Variants in NMU observed in about 807,000 individuals in gnomAD.
NMU encodes the protein neuromedin U.
NMU carries 29 observed loss-of-function variants against 35.4 expected under a neutral mutation model. That is an observed-to-expected ratio of 0.82 (90% CI 0.61 to 1.12). The LOEUF (loss-of-function observed/expected upper bound fraction) is 1.12, where lower values mean the gene tolerates loss of function less well. Ranked by LOEUF, NMU falls within the 50% of genes most tolerant of loss-of-function variation. The pLI is 0.00. For missense variants in NMU, 199 were observed against 206.2 expected (o/e 0.97, Z 0.21); for synonymous variants, 78 against 81.3 (o/e 0.96, Z 0.22).
intron 8 of NMU, among the ~76,000 whole-genome samples, chr4:55,599,688 T>G (rs950941247): frequency 6.6e-6 from 1 of 152,170 alleles, no homozygotes; most frequent in African/African-American, 2.4e-5. Flanking sequence ...TAGCTAAATA[T>G]TTCATCAACC....
intron 1 of NMU, among the ~76,000 whole-genome samples, chr4:55,633,204 A>C (rs1715712263): frequency 6.6e-6 from 1 of 151,928 alleles, no homozygotes; most frequent in African/African-American, 2.4e-5. Context: ...GGGCACCTGT[A>C]GTCCCAGCTA....
In NMU at chr4:55,607,335, T is replaced by C. The variant is rs1385892229; in HGVS notation, c.323A>G (p.Tyr108Cys). 1 of 1,607,080 alleles carries C rather than the reference T, an allele frequency of 6.2e-7. No homozygotes were observed. Among genetic ancestry groups the C allele is most frequent in the African/African-American group, 1.3e-5 (1 of 74,756 alleles). ...KDNTKRFLFH[Y>C]SKTQKLGKSN... ...CTTGCCCAACTTCTGTGTCTTCGAATAATGAAATAAGAACTGTTTAAAAAA... is the reference window on the plus strand; with the variant it reads ...CTTGCCCAACTTCTGTGTCTTCGAACAATGAAATAAGAACTGTTTAAAAAA... The change falls in exon 6 of 10, where the codon TAT (tyrosine) becomes TGT (cysteine). Residue 108 changes from tyrosine (Y) to cysteine (C), a missense_variant. By Grantham distance (194) the Tyr-to-Cys change is radical. Coordinates refer to ENST00000264218, the MANE Select transcript of NMU (RefSeq NM_006681.4).
At chr4:55,608,174 CAAAAAAAAA>C (rs3035745) in intron 4 of NMU, among the ~76,000 whole-genome samples, 1 of 110,410 alleles carries the variant, frequency 9.1e-6, no homozygotes, top group African/African-American at 3.5e-5. Context: ...GACTCCATCT[CAAAAAAAAA>C]AAAAAAAAAA....
chr4:55,633,294 C>T (rs1388066967), intron 1 of NMU, among the ~76,000 whole-genome samples: 1 of 149,318 alleles, frequency 6.7e-6, no homozygotes, highest in African/African-American at 2.5e-5. Flanking sequence ...CACTGCACTC[C>T]GGCCTGGGCA....
chr4:55,596,195 T>C (rs1022973065), intron 9 of NMU, among the ~76,000 whole-genome samples: 2 of 152,060 alleles, frequency 1.3e-5, no homozygotes, highest in African/African-American at 4.8e-5. Flanking sequence ...ATATAGGTCA[T>C]CAGGATAGAG....
intron 4 of NMU, 127 bp from the exon 5 acceptor site, chr4:55,607,593 C>A (rs1055285684): frequency 5.1e-5 from 18 of 352,214 alleles, no homozygotes; most frequent in African/African-American, 3.2e-4. Flanking sequence ...ATATAAAATA[C>A]AAGACTGAAA....
At chr4:55,608,443 G>A (rs2110192596) in intron 4 of NMU, among the ~76,000 whole-genome samples, 1 of 152,164 alleles carries the variant, frequency 6.6e-6, no homozygotes, top group Middle Eastern at 3.4e-3. Flanking sequence ...TATTATATAT[G>A]AAAGGTATGG....
chr4:55,610,023 T>C (rs1277942113), intron 3 of NMU, among the ~76,000 whole-genome samples: 1 of 152,206 alleles, frequency 6.6e-6, no homozygotes, highest in Non-Finnish European at 1.5e-5. Context: ...TGTGTAACCT[T>C]AGGCTGGTTA....
intron 2 of NMU, among the ~76,000 whole-genome samples, chr4:55,619,988 G>A (rs2110204655): frequency 6.7e-6 from 1 of 149,084 alleles, no homozygotes; most frequent in African/African-American, 2.4e-5. Flanking sequence ...CAACCAGAAA[G>A]GACATCCACA....
intron 2 of NMU, among the ~76,000 whole-genome samples, chr4:55,628,405 C>G (rs2110211113): frequency 6.6e-6 from 1 of 152,156 alleles, no homozygotes; most frequent in South Asian, 2.1e-4. Context: ...ACTACCAGCG[C>G]TTAACTTACT....
At chr4:55,616,277 G>T in intron 3 of NMU, 61 bp downstream of exon 3, 2 of 1,171,386 alleles carry the variant, frequency 1.7e-6, no homozygotes, top group Non-Finnish European at 2.6e-6. Flanking sequence ...AGGCAGCAAT[G>T]GAGAGTTTAA....
intron 4 of NMU, among the ~76,000 whole-genome samples, chr4:55,607,796 A>G (rs944408298): frequency 6.6e-6 from 1 of 152,242 alleles, no homozygotes; most frequent in African/African-American, 2.4e-5. Flanking sequence ...TCAGAGGAGA[A>G]GACTGAAAGA....
intron 2 of NMU, among the ~76,000 whole-genome samples, chr4:55,618,721 C>CTT (rs1553910945): frequency 9.7e-5 from 14 of 144,004 alleles, no homozygotes; most frequent in Admixed American, 5.7e-4. Context: ...TCTTTCTTCT[C>CTT]TCTTTCTTCT....
chr4:55,636,561 T>G (rs1389678659), upstream of NMU: 1 of 186,480 alleles, frequency 5.4e-6, no homozygotes, highest in South Asian at 1.7e-4. The surrounding 1 kb of genome is among the most constrained non-coding windows in gnomAD (Gnocchi z 4.0). Flanking sequence ...AGGACTGGAC[T>G]GGGAACAGGG....
intron 9 of NMU, among the ~76,000 whole-genome samples, chr4:55,598,488 G>A (rs531576157): frequency 6.6e-6 from 1 of 152,110 alleles, no homozygotes; most frequent in South Asian, 2.1e-4. Context: ...ATCTGCATTT[G>A]GGTTTGATTT....
At chr4:55,625,169 T>TAAAAAAAAA (rs760890031) in intron 2 of NMU, among the ~76,000 whole-genome samples, 22 of 98,336 alleles carry the variant, frequency 2.2e-4, no homozygotes, top group East Asian at 6.2e-4. Context: ...AAAGTATAAT[T>TAAAAAAAAA]AAAAAAAAAA....
At chr4:55,611,581 T>C (rs546495446) in intron 3 of NMU, among the ~76,000 whole-genome samples, 1 of 152,292 alleles carries the variant, frequency 6.6e-6, no homozygotes. Flanking sequence ...TCTTTCAAGC[T>C]CCATTCATGG....
intron 7 of NMU, 143 bp downstream of exon 7, chr4:55,605,132 A>G (rs1172600927): frequency 1.1e-5 from 8 of 720,488 alleles, no homozygotes; most frequent in East Asian, 7.9e-5. Flanking sequence ...GTCTACAAAC[A>G]GATGCTCTTA....
At chr4:55,595,721 A>C (rs1033085879) in intron 9 of NMU, among the ~76,000 whole-genome samples, 1 of 148,142 alleles carries the variant, frequency 6.8e-6, no homozygotes, top group Non-Finnish European at 1.5e-5. Context: ...GCTCACTGCA[A>C]CCTCCACCTC....
Sources: allele counts gnomAD v4.1 joint callset (sites outside exome capture counted in the v4.1 genomes callset), GRCh38; gene constraint gnomAD v4.1.1; non-coding constraint Gnocchi (gnomAD v3.1); transcripts MANE v1.5; gene names NCBI Gene and HGNC (gene_info 2026-07-23, HGNC 2026-07-21).